SMIM36: variants seen among roughly 807,000 people sequenced by gnomAD.
SMIM36 encodes small integral membrane protein 36.
the SMIM36 span, among the ~76,000 whole-genome samples, chr17:55,522,037 C>T: frequency 6.6e-6 from 1 of 152,278 alleles, no homozygotes; most frequent in Non-Finnish European, 1.5e-5. Context: ...TAATAACTCC[C>T]CATTTCACTC....
At chr17:55,507,583 TG>T (rs893092066) in intron 1 of SMIM36, among the ~76,000 whole-genome samples, 1 of 61,662 alleles carries the variant, frequency 1.6e-5, no homozygotes, top group Admixed American at 2.3e-4. Flanking sequence ...TGTGGTGGGG[TG>T]GGGGGAGGGG....
At chr17:55,528,461 C>T in the SMIM36 span, among the ~76,000 whole-genome samples, 1 of 152,064 alleles carries the variant, frequency 6.6e-6, no homozygotes, top group African/African-American at 2.4e-5. Flanking sequence ...CAGTGATCCT[C>T]CAGCCCCAGC....
At chr17:55,517,034 C>A in the SMIM36 span, among the ~76,000 whole-genome samples, 1 of 152,142 alleles carries the variant, frequency 6.6e-6, no homozygotes, top group Non-Finnish European at 1.5e-5. Flanking sequence ...AAGGGTTCAG[C>A]TTTGATTACA....
At chr17:55,470,010 T>A (rs894609956) in intron 3 of SMIM36, among the ~76,000 whole-genome samples, 5 of 151,676 alleles carry the variant, frequency 3.3e-5, no homozygotes, top group African/African-American at 1.2e-4. Context: ...AACCACAACT[T>A]CAAAACACCT....
chr17:55,480,286 C>G (rs1187676290), intron 1 of SMIM36, among the ~76,000 whole-genome samples: 1 of 151,438 alleles, frequency 6.6e-6, no homozygotes, highest in Admixed American at 6.6e-5. Flanking sequence ...CCTAAAGCCC[C>G]AGGCCTGAAT....
In SMIM36 at chr17:55,494,795, AACAC is replaced by A. The variant is rs368788987; in HGVS notation, c.*175-15219_*175-15216del. The stretch of plus-strand genomic sequence containing the variant: ...TGTATACTTTTGTATATTTTGTTTG[AACAC>A]ACACACACAGGCACACACGCACACA... On this transcript the variant is annotated intron_variant, in intron 1 of 4. Coordinates refer to ENST00000636752, the Ensembl canonical transcript of SMIM36. Among the ~76,000 whole-genome samples the A allele has an allele frequency of 1.7e-3, 251 of 151,970 alleles. 4 individuals are homozygous for A. Among genetic ancestry groups the A allele is most frequent in the Non-Finnish European group, 3.4e-4 (23 of 67,910 alleles).
In SMIM36 at chr17:55,468,853, A is replaced by G. The variant is rs190817610; in HGVS notation, c.*348-1525T>C. ...TCTTCTGTAATACCGCTTGGCCCCA[A>G]TACAAACTGGGCAATAGTTCCAAGT... On this transcript the variant is annotated intron_variant, in intron 3 of 4. Coordinates refer to ENST00000636752, the Ensembl canonical transcript of SMIM36. Among the ~76,000 whole-genome samples the G allele has an allele frequency of 1.7e-4, 26 of 152,250 alleles. No homozygotes were observed. In the East Asian group the frequency reaches 3.5e-3, roughly 20 times the overall value.
chr17:55,501,211 A>AG (rs1370918455), intron 1 of SMIM36, among the ~76,000 whole-genome samples: 989 of 56,690 alleles, frequency 0.017, 459 homozygotes, highest in East Asian at 0.07. Flanking sequence ...ATTATAATAT[A>AG]TAATATATAT....
At chr17:55,476,753 G>A (rs1909433975) in intron 3 of SMIM36, among the ~76,000 whole-genome samples, 1 of 152,104 alleles carries the variant, frequency 6.6e-6, no homozygotes, top group African/African-American at 2.4e-5. Flanking sequence ...TTTTAATAGA[G>A]ACGGGGCTTC....
chr17:55,471,820 G>T lies in SMIM36; in HGVS notation c.*348-4492C>A, dbSNP rs932649861. Among the ~76,000 whole-genome samples the T allele has an allele frequency of 2.6e-5, 4 of 152,196 alleles. No individual in the cohort carries two copies. In the East Asian group the frequency reaches 7.7e-4, roughly 29 times the overall value. On this transcript the variant is annotated intron_variant, in intron 3 of 4. Coordinates refer to ENST00000636752, the Ensembl canonical transcript of SMIM36. ...ATGACCTGCTGCCTTTCTGTCAAAAGAACTTGACCTCACAGTTCTGGGCTG... is the reference window on the plus strand; with the variant it reads ...ATGACCTGCTGCCTTTCTGTCAAAATAACTTGACCTCACAGTTCTGGGCTG...
chr17:55,494,681 AACAC>A (rs200446563), intron 1 of SMIM36, among the ~76,000 whole-genome samples: 1 of 152,016 alleles, frequency 6.6e-6, no homozygotes, highest in Non-Finnish European at 1.5e-5. Flanking sequence ...ATTTTGTTTG[AACAC>A]ACACACACAT....
chr17:55,466,376 T>G (rs901234612), intron 4 of SMIM36, among the ~76,000 whole-genome samples: 1 of 150,602 alleles, frequency 6.6e-6, no homozygotes, highest in Non-Finnish European at 1.5e-5. Flanking sequence ...TGGAGTCTGG[T>G]TTGAATGAGA....
chr17:55,518,350 C>T, the SMIM36 span, among the ~76,000 whole-genome samples: 2 of 152,182 alleles, frequency 1.3e-5, no homozygotes, highest in Non-Finnish European at 2.9e-5. Flanking sequence ...TTAAAGTTTC[C>T]ACTTCTCAGC....
At chr17:55,486,354 T>C (rs966589709) in intron 1 of SMIM36, among the ~76,000 whole-genome samples, 10 of 152,172 alleles carry the variant, frequency 6.6e-5, no homozygotes, top group Admixed American at 5.2e-4. Context: ...AGCTTTCTTT[T>C]ATGGGGAATC....
intron 1 of SMIM36, among the ~76,000 whole-genome samples, chr17:55,485,995 T>G (rs1398236311): frequency 6.6e-6 from 1 of 151,822 alleles, no homozygotes; most frequent in Admixed American, 6.6e-5. Flanking sequence ...TGAATTGAGA[T>G]GAAGAAAAGA....
chr17:55,499,182 T>C (rs973014090), intron 1 of SMIM36, among the ~76,000 whole-genome samples: 7 of 152,088 alleles, frequency 4.6e-5, no homozygotes, highest in African/African-American at 1.2e-4. Flanking sequence ...AATAATTTAT[T>C]TTTCCTCTGA....
chr17:55,501,491 TATA>T (rs1328769187), intron 1 of SMIM36, among the ~76,000 whole-genome samples: 2 of 102,522 alleles, frequency 2.0e-5, no homozygotes, highest in East Asian at 2.5e-4. Context: ...TTATATATAA[TATA>T]ATATAATATA....
chr17:55,518,881 G>A, the SMIM36 span, among the ~76,000 whole-genome samples: 1 of 152,132 alleles, frequency 6.6e-6, no homozygotes, highest in African/African-American at 2.4e-5. Context: ...CAGAGGAAAC[G>A]TGGAACTAGA....
chr17:55,463,770 C>A (rs1229710048), intron 4 of SMIM36, among the ~76,000 whole-genome samples: 1 of 151,786 alleles, frequency 6.6e-6, no homozygotes, highest in African/African-American at 2.4e-5. Context: ...TTTTTCTCCC[C>A]AAAGTAGGTA....
Sources: allele counts gnomAD v4.1 joint callset (sites outside exome capture counted in the v4.1 genomes callset), GRCh38; gene constraint gnomAD v4.1.1; transcripts MANE v1.5; gene names NCBI Gene and HGNC (gene_info 2026-07-23, HGNC 2026-07-21).